Variants in MCM10 observed in about 807,000 individuals in gnomAD.
MCM10 encodes the protein protein MCM10 homolog.
MCM10 carries 91 observed loss-of-function variants against 109.9 expected under a neutral mutation model. The observed-to-expected ratio is 0.83, with a 90% CI of 0.70 to 0.99. The LOEUF (loss-of-function observed/expected upper bound fraction) is 0.99. Among genes scored for constraint, MCM10 ranks in the 50% least tolerant of loss-of-function variants. MCM10 has a pLI of 0.00. For synonymous variants in MCM10, 380 were observed against 387.2 expected (o/e 0.98, Z 0.22); for missense variants, 1,077 against 1,061.2 (o/e 1.01, Z -0.21).
chr10:13,172,868 T>C lies in MCM10; in HGVS notation c.592+103T>C. ...TGTCTGTGTCTTTTGGTCTGTCTTA[T>C]GTCCCCATTGAGAAAGAAAGTTTCT... On this transcript the variant is annotated intron_variant, in intron 5 of 19. Transcript: ENST00000378714. This position sits in a 1 kb window ranked among gnomAD's most constrained non-coding sequence, Gnocchi z 5.2. The C allele has an allele frequency of 9.2e-7, 1 of 1,084,056 alleles. No individual in the cohort carries two copies. Among genetic ancestry groups the C allele is most frequent in the African/African-American group, 1.8e-5 (1 of 55,598 alleles). The allele number at this position is 1,084,056 out of a possible 1,614,324, so 67.2% of individuals were successfully genotyped here. A position where few individuals can be genotyped will look rare whatever the true frequency, so the allele number is the denominator to read the frequency against.
intron 9 of MCM10, among the ~76,000 whole-genome samples, chr10:13,188,384 T>A (rs1834302247): frequency 6.6e-6 from 1 of 152,188 alleles, no homozygotes; most frequent in Non-Finnish European, 1.5e-5. Context: ...TTTAGTTGTG[T>A]AACCACCAGC....
intron 18 of MCM10, among the ~76,000 whole-genome samples, chr10:13,207,136 A>G (rs755952583): frequency 1.3e-5 from 2 of 152,128 alleles, no homozygotes; most frequent in Non-Finnish European, 2.9e-5. Flanking sequence ...GGCAGCACAC[A>G]TTGCCTGTAA....
intron 8 of MCM10, among the ~76,000 whole-genome samples, chr10:13,185,700 C>A (rs913610049): frequency 2.0e-5 from 3 of 152,156 alleles, no homozygotes; most frequent in African/African-American, 7.2e-5. Context: ...ACTGAAGGTG[C>A]CTTCTGCATC....
intron 2 of MCM10, among the ~76,000 whole-genome samples, chr10:13,169,867 A>G (rs928845709): frequency 1.3e-5 from 2 of 152,066 alleles, no homozygotes; most frequent in African/African-American, 4.8e-5. Flanking sequence ...CACCACGCCC[A>G]GCTAATTTTT....
Position 13,198,747 on chromosome 10 carries a change from A to T in MCM10, c.2178A>T (p.Glu726Asp), listed in dbSNP as rs1834457404. The change falls in exon 16 of 20, where the codon GAA becomes GAT. Residue 726 changes from glutamate (E) to aspartate (D), a missense_variant. Coordinates refer to ENST00000378714, the MANE Select transcript of MCM10 (RefSeq NM_018518.5). ...KKRREQLAYL[E>D]SEEFQKILKA... Reference sequence around the variant, plus strand: ...GGAGAGAACAACTTGCCTATCTGGAATCTGAGGAATTTCAGAAAATCCTAA... The same window carrying T: ...GGAGAGAACAACTTGCCTATCTGGATTCTGAGGAATTTCAGAAAATCCTAA... 2 of 1,613,920 alleles carry T rather than the reference A, an allele frequency of 1.2e-6. No individual in the cohort carries two copies. Among genetic ancestry groups the T allele is most frequent in the African/African-American group, 1.3e-5 (1 of 74,940 alleles).
chr10:13,196,998 C>T (rs538430181), intron 14 of MCM10, among the ~76,000 whole-genome samples: 2 of 152,156 alleles, frequency 1.3e-5, no homozygotes, highest in South Asian at 2.1e-4. Flanking sequence ...AATCACAGCT[C>T]ACTGAAACCT....
intron 18 of MCM10, among the ~76,000 whole-genome samples, chr10:13,205,448 T>A (rs113336045): frequency 9.7e-4 from 147 of 152,282 alleles, no homozygotes; most frequent in African/African-American, 3.4e-3. Context: ...GCATTTAGGT[T>A]GATTCCACGT....
At chr10:13,198,091 T>G (rs1396346105) in intron 15 of MCM10, among the ~76,000 whole-genome samples, 1 of 152,182 alleles carries the variant, frequency 6.6e-6, no homozygotes, top group East Asian at 1.9e-4. Flanking sequence ...TTTTTGTATT[T>G]TTAGTATAGA....
chr10:13,163,794 G>T (rs528106106), intron 1 of MCM10, among the ~76,000 whole-genome samples: 2 of 152,254 alleles, frequency 1.3e-5, no homozygotes, highest in African/African-American at 4.8e-5. Context: ...GCTTCCCAAA[G>T]TGCTGGTATT....
At chr10:13,208,246 A>G (rs1291319956) in intron 18 of MCM10, among the ~76,000 whole-genome samples, 1 of 152,000 alleles carries the variant, frequency 6.6e-6, no homozygotes, top group African/African-American at 2.4e-5. Flanking sequence ...TGAGCTGGGC[A>G]TGGTGGTGTA....
intron 1 of MCM10, 40 bp from the exon 2 acceptor site, chr10:13,164,085 GAGA>G (rs1833962908): frequency 1.3e-5 from 11 of 823,374 alleles, no homozygotes; most frequent in Non-Finnish European, 1.8e-5. Context: ...GTGAGAGAAA[GAGA>G]AGAATTGAAA....
At chr10:13,179,303 T>C (rs1834179478) in intron 6 of MCM10, among the ~76,000 whole-genome samples, 1 of 152,148 alleles carries the variant, frequency 6.6e-6, no homozygotes, top group Non-Finnish European at 1.5e-5. Flanking sequence ...TCCAGAATGG[T>C]TGGGTTCTTA....
At chr10:13,201,923 A>C in intron 17 of MCM10, 1 of 176,936 alleles carries the variant, frequency 5.7e-6, no homozygotes, top group Non-Finnish European at 1.2e-5. Flanking sequence ...ATGATCCACC[A>C]CTGCTTTCCT....
chr10:13,188,209 CTT>C (rs1400977514), intron 9 of MCM10, among the ~76,000 whole-genome samples: 4 of 152,164 alleles, frequency 2.6e-5, no homozygotes, highest in Non-Finnish European at 4.4e-5. Context: ...CACCATCTCT[CTT>C]TGTTTCTTTC....
At chr10:13,201,934 A>C in intron 17 of MCM10, 1 of 170,312 alleles carries the variant, frequency 5.9e-6, no homozygotes, top group Non-Finnish European at 1.3e-5. Context: ...CTGCTTTCCT[A>C]CTCCTGGCTC....
intron 8 of MCM10, among the ~76,000 whole-genome samples, chr10:13,184,478 G>C (rs1834249859): frequency 6.6e-6 from 1 of 152,196 alleles, no homozygotes. Flanking sequence ...TCTAGACACA[G>C]TGTGAATAGC....
At chr10:13,209,185 A>G in intron 19 of MCM10, 42 bp from the exon 20 acceptor site, 1 of 1,602,580 alleles carries the variant, frequency 6.2e-7, no homozygotes, top group South Asian at 1.1e-5. Context: ...CCATGCTAAT[A>G]ATGTGGAACC....
intron 10 of MCM10, 70 bp from the exon 11 acceptor site, chr10:13,191,229 T>A: frequency 1.0e-6 from 1 of 984,388 alleles, no homozygotes; most frequent in South Asian, 1.3e-5. Context: ...ATGATATCTA[T>A]GCCTTCTTTA....
intron 5 of MCM10, among the ~76,000 whole-genome samples, chr10:13,174,273 G>A (rs1255154794): frequency 6.6e-6 from 1 of 150,918 alleles, no homozygotes; most frequent in Non-Finnish European, 1.5e-5. Context: ...CTCTGGAGTA[G>A]CATGCCCCAC....
Sources: gnomAD v4.1 joint callset for allele counts (sites outside exome capture counted in the v4.1 genomes callset) on GRCh38, gnomAD v4.1.1 for gene constraint, Gnocchi (gnomAD v3.1) non-coding constraint, MANE v1.5 for transcripts, NCBI Gene and HGNC (gene_info 2026-07-23, HGNC 2026-07-21) for gene names.